Variants in DNALI1 observed in about 807,000 individuals in gnomAD.
The protein encoded by DNALI1 is dynein axonemal light intermediate chain 1.
In DNALI1, 31 loss-of-function variants were observed where a neutral mutation model predicts 33.9. The observed-to-expected ratio is 0.91, with a 90% confidence interval of 0.69 to 1.23. The LOEUF is 1.23. DNALI1 is among the 50% of genes most tolerant of loss of function. The pLI is 0.00. For synonymous variants in DNALI1, 117 were observed against 129.2 expected (o/e 0.91, Z 0.64); for missense variants, 305 against 323.8 (o/e 0.94, Z 0.44).
At chr1:37,564,261 C>T (rs1643473085) in intron 5 of DNALI1, among the ~76,000 whole-genome samples, 1 of 144,340 alleles carries the variant, frequency 6.9e-6, no homozygotes. Flanking sequence ...CAAAGAGGGA[C>T]AGCTCTGTAT....
chr1:37,562,083 C>T lies in DNALI1; in HGVS notation c.579C>T (p.Ile193=), dbSNP rs754803615. The T allele has an allele frequency of 5.6e-6, 9 of 1,613,746 alleles. No homozygotes were observed. The highest frequency in any genetic ancestry group is 2.2e-5 in the East Asian group (1 of 44,882). The change falls in exon 5 of 6, where the codon ATC becomes ATT. Residue 193 remains isoleucine (I), a splice_region_variant and synonymous_variant. Transcript: ENST00000652629. The surrounding 1 kb of genome is among the most constrained non-coding windows in gnomAD (Gnocchi z 5.8). ...EQGKSDMERK[I]AELETEKRDL... is the part of the protein sequence containing the mutation. The stretch of plus-strand genomic sequence containing the variant: ...ATGACTGGGCATTCTCTCCTCAGAT[C>T]GCAGAATTGGAGACGGAAAAGAGAG...
Position 37,562,136 on chromosome 1 carries a change from A to C in DNALI1, c.632A>C (p.Lys211Thr), listed in dbSNP as rs138550216. ...CTGGAGAGGCAAGTGAACGAGCAGA[A>C]GGCAAAATGTGAAGCCACTGAGAAG... ...RDLERQVNEQ[K>T]AKCEATEKRE... Residue 211 changes from lysine (K) to threonine (T), a missense_variant, in exon 5 of 6, where the codon AAG (lysine) becomes ACG (threonine). Transcript: ENST00000652629. The surrounding 1 kb of genome is among the most constrained non-coding windows in gnomAD (Gnocchi z 5.8). 2.8e-4 allele frequency: 459 copies of C among 1,614,158 alleles called. 1 individual carries two copies. The African/African-American group carries it at 4.7e-3, about 16-fold the overall frequency.
chr1:37,564,414 C>T (rs1643475683), intron 5 of DNALI1, among the ~76,000 whole-genome samples: 5 of 151,774 alleles, frequency 3.3e-5, no homozygotes, highest in Admixed American at 2.6e-4. Context: ...ACGGAGTCTC[C>T]CTCTGTCACC....
At chr1:37,563,220 C>T (rs1570040868) in intron 5 of DNALI1, among the ~76,000 whole-genome samples, 2 of 152,152 alleles carry the variant, frequency 1.3e-5, no homozygotes, top group Non-Finnish European at 2.9e-5. Context: ...TGGCCATTTG[C>T]GATAAAGAAG....
rs1643417891 is a variant in DNALI1 at position 37,559,983 on chromosome 1, G to A, written c.397+487G>A. 6.6e-6 allele frequency among the ~76,000 whole-genome samples: 1 copy of A among 152,226 alleles called. No individual in the cohort carries two copies. Among genetic ancestry groups the A allele is most frequent in the Non-Finnish European group, 1.5e-5 (1 of 68,042 alleles). On this transcript the variant is annotated intron_variant, in intron 3 of 5. Transcript: ENST00000652629. The surrounding 1 kb of genome is among the most constrained non-coding windows in gnomAD (Gnocchi z 5.3). ...GAATAAGTTCAAGGGAAGGTACTAT[G>A]CCTGGATGTGCACGTAGGCCGGATT...
At position 37,561,768 on chromosome 1, in the gene DNALI1, T is replaced by C. The variant is rs772517808; in HGVS notation, c.576+33T>C. 6.2e-7 allele frequency: 1 copy of C among 1,600,100 alleles called. No homozygotes were observed. The highest frequency in any genetic ancestry group is 1.1e-5 in the South Asian group (1 of 89,824). ...GGGTTTACCGTGACCCTTGGTCCCA[T>C]CTCTTCTGTAAACCTCAGGGCCACA... On this transcript the variant is annotated intron_variant, in intron 4 of 5. Coordinates refer to ENST00000652629, the MANE Select transcript of DNALI1 (RefSeq NM_003462.5). This position sits in a 1 kb window ranked among gnomAD's most constrained non-coding sequence, Gnocchi z 4.6.
chr1:37,558,187 C>T lies in DNALI1; in HGVS notation c.227+439C>T, dbSNP rs116601472. 889 of 160,628 alleles carry T rather than the reference C, an allele frequency of 5.5e-3. 5 individuals are homozygous for T. Among genetic ancestry groups the T allele is most frequent in the Non-Finnish European group, 8.7e-3 (645 of 74,234 alleles). The allele number at this position is 160,628 out of a possible 1,614,324, so 10.0% of individuals were successfully genotyped here. ...TCCTTTTTACTAGGGACTCAAACCA[C>T]CTTTCATTCCTTTTGATCACTCTCA... On this transcript the variant is annotated intron_variant, in intron 2 of 5. Coordinates refer to ENST00000652629, the MANE Select transcript of DNALI1 (RefSeq NM_003462.5).
rs570504601 is a variant in DNALI1, at chr1:37,557,229, G to T, written c.81+154G>T. Among the ~76,000 whole-genome samples the T allele has an allele frequency of 2.0e-4, 30 of 152,306 alleles. No homozygotes were observed. In the South Asian group the frequency reaches 6.0e-3, roughly 30 times the overall value. On this transcript the variant is annotated intron_variant, in intron 1 of 5. Transcript: ENST00000652629. ...GTCAGAGAAGGAGGGTGAGAGGATTGTATAGGAAGCCCAGATGTTGGGTGT... is the reference window on the plus strand; with the variant it reads ...GTCAGAGAAGGAGGGTGAGAGGATTTTATAGGAAGCCCAGATGTTGGGTGT...
chr1:37,561,948 T>G lies in DNALI1; in HGVS notation c.577-133T>G. 6.9e-7 allele frequency: 1 copy of G among 1,451,162 alleles called. No individual in the cohort carries two copies. The highest frequency in any genetic ancestry group is 9.4e-7 in the Non-Finnish European group (1 of 1,065,556). The allele number at this position is 1,451,162 out of a possible 1,614,324, so 89.9% of individuals were successfully genotyped here. ...AGTTGTTTCCGCTGTAGACGCTCCA[T>G]GCCAGGCACTGACCTCCCACTGGGT... On this transcript the variant is annotated intron_variant, in intron 4 of 5. Coordinates refer to ENST00000652629, the MANE Select transcript of DNALI1 (RefSeq NM_003462.5). This position sits in a 1 kb window ranked among gnomAD's most constrained non-coding sequence, Gnocchi z 4.6.
chr1:37,564,967 A>T, intron 5 of DNALI1, 59 bp from the exon 6 acceptor site: 2 of 1,569,378 alleles, frequency 1.3e-6, no homozygotes, highest in South Asian at 2.2e-5. Context: ...ATCACCTCTC[A>T]GCTATTTGTA....
intron 5 of DNALI1, among the ~76,000 whole-genome samples, chr1:37,563,207 G>A (rs1052268773): frequency 1.3e-5 from 2 of 152,202 alleles, no homozygotes; most frequent in Non-Finnish European, 2.9e-5. Context: ...ACACCAGCAG[G>A]ACTGGCCATT....
chr1:37,561,774 C>T lies in DNALI1; in HGVS notation c.576+39C>T, dbSNP rs16824234. 1,556 of 1,593,928 alleles carry T rather than the reference C, an allele frequency of 9.8e-4. 29 individuals are homozygous for T. The East Asian group carries it at 0.027, about 28-fold the overall frequency. On this transcript the variant is annotated intron_variant, in intron 4 of 5. Transcript: ENST00000652629. This position sits in a 1 kb window ranked among gnomAD's most constrained non-coding sequence, Gnocchi z 4.6. ...ACCGTGACCCTTGGTCCCATCTCTT[C>T]TGTAAACCTCAGGGCCACATGCTTA... is the stretch of plus-strand genomic sequence containing the variant.
chr1:37,561,598 G>GCGGAGA lies in DNALI1; in HGVS notation c.439_440insCGGAGA (p.Gly147delinsAlaGluArg). 6.2e-7 allele frequency: 1 copy of GCGGAGA among 1,613,858 alleles called. No homozygotes were observed. Among genetic ancestry groups the GCGGAGA allele is most frequent in the Non-Finnish European group, 8.5e-7 (1 of 1,179,924 alleles). Reference sequence around the variant, plus strand: ...GGTCACCATCAACTGTGCGGAGAGGGGGCTGCTGCTGCTGCGAGTCCGGGA... The same window carrying GCGGAGA: ...GGTCACCATCAACTGTGCGGAGAGGGCGGAGAGGCTGCTGCTGCTGCGAGTCCGGGA... On this transcript the variant is annotated protein_altering_variant, in exon 4 of 6. Transcript: ENST00000652629. The surrounding 1 kb of genome is among the most constrained non-coding windows in gnomAD (Gnocchi z 4.6).
In DNALI1 at chr1:37,565,095, T is replaced by C. The variant is rs6619; in HGVS notation, c.*34T>C. On this transcript the variant is annotated 3_prime_UTR_variant, in exon 6 of 6. Transcript: ENST00000652629. ...ACATGATTAATTTCCAACAAGACAC[T>C]TGGGAGTTATTTACTGTGTTCCTCT... 714,046 of 1,608,438 alleles carry C rather than the reference T, an allele frequency of 0.44. 163,425 individuals are homozygous for C. The highest frequency in any genetic ancestry group is 0.59 in the East Asian group (26,621 of 44,842).
rs562752296 is a variant in DNALI1, at chr1:37,565,207, T to C, written c.*146T>C. On this transcript the variant is annotated 3_prime_UTR_variant, in exon 6 of 6. Transcript: ENST00000652629. ...GCCATAACCTCCCCTAAACACCACC[T>C]AGGTATTTGTTAGAAGTCACACTAT... is the stretch of plus-strand genomic sequence containing the variant. The C allele has an allele frequency of 3.7e-6, 3 of 814,294 alleles. No homozygotes were observed. The highest frequency in any genetic ancestry group is 3.2e-5 in the South Asian group (2 of 63,190). 50.4% of individuals were successfully genotyped at this position (814,294 alleles called of 1,614,324 possible). A position where few individuals can be genotyped will look rare whatever the true frequency, so the allele number is the denominator to read the frequency against.
chr1:37,558,000 A>G (rs1643393520), intron 2 of DNALI1: 2 of 462,290 alleles, frequency 4.3e-6, no homozygotes, highest in Admixed American at 4.1e-5. Flanking sequence ...ATGGCTCCCA[A>G]ATGTGTATTT....
rs764628424 is a variant in DNALI1 at position 37,561,523 on chromosome 1, CCT to C, written c.398-33_398-32del. The C allele has an allele frequency of 6.0e-5, 96 of 1,604,978 alleles. No homozygotes were observed. The highest frequency in any genetic ancestry group is 1.2e-4 in the African/African-American group (9 of 74,764). ...CATACTGCAAGCCCCCTCCCCACGCCCTGTCTGATCTCATGGTGTGTGTGCAT... is the reference window on the plus strand; with the variant it reads ...CATACTGCAAGCCCCCTCCCCACGCCGTCTGATCTCATGGTGTGTGTGCAT... On this transcript the variant is annotated intron_variant, in intron 3 of 5. Coordinates refer to ENST00000652629, the MANE Select transcript of DNALI1 (RefSeq NM_003462.5). This position sits in a 1 kb window ranked among gnomAD's most constrained non-coding sequence, Gnocchi z 4.6.
chr1:37,565,136 C>CATCATAAGCCCTTTGTAATAAA lies in DNALI1; in HGVS notation c.*77_*98dup. On this transcript the variant is annotated 3_prime_UTR_variant, in exon 6 of 6. Coordinates refer to ENST00000652629, the MANE Select transcript of DNALI1 (RefSeq NM_003462.5). ...GTGTTCCTCTGGCAGCCAATAAAATCATCATAAGCCCTTTGTAATAAAAAG... is the reference window on the plus strand; with the variant it reads ...GTGTTCCTCTGGCAGCCAATAAAATCATCATAAGCCCTTTGTAATAAAATCATAAGCCCTTTGTAATAAAAAG... 6.5e-7 allele frequency: 1 copy of CATCATAAGCCCTTTGTAATAAA among 1,537,278 alleles called. No individual in the cohort carries two copies. Among genetic ancestry groups the CATCATAAGCCCTTTGTAATAAA allele is most frequent in the Non-Finnish European group, 9.0e-7 (1 of 1,111,752 alleles).
rs1378508536 is a variant in DNALI1 at position 37,561,323 on chromosome 1, C to T, written c.398-234C>T. 4 of 519,444 alleles carry T rather than the reference C, an allele frequency of 7.7e-6. No homozygotes were observed. The highest frequency in any genetic ancestry group is 1.0e-5 in the Non-Finnish European group (3 of 289,520). The allele number at this position is 519,444 out of a possible 1,614,324, so 32.2% of individuals were successfully genotyped here. On this transcript the variant is annotated intron_variant, in intron 3 of 5. Transcript: ENST00000652629. The surrounding 1 kb of genome is among the most constrained non-coding windows in gnomAD (Gnocchi z 4.6). ...CTTGTCTCCTTTGCTCTGGCCAACC[C>T]AGTCTTGCTGACTGTGCTACTCACA...
Sources: allele counts gnomAD v4.1 joint callset (sites outside exome capture counted in the v4.1 genomes callset), GRCh38; gene constraint gnomAD v4.1.1; non-coding constraint Gnocchi (gnomAD v3.1); transcripts MANE v1.5; gene names NCBI Gene and HGNC (gene_info 2026-07-23, HGNC 2026-07-21).